UBAC2: variants seen among roughly 807,000 people sequenced by gnomAD.
UBAC2 encodes the protein ubiquitin-associated domain-containing protein 2.
A neutral mutation model predicts 44.0 loss-of-function variants in UBAC2; 26 were observed. That is an observed-to-expected ratio of 0.59 (90% CI 0.43 to 0.82). The LOEUF (loss-of-function observed/expected upper bound fraction) is 0.82, where lower values mean the gene tolerates loss of function less well. Ranked by LOEUF, UBAC2 falls within the 40% of genes least tolerant of loss-of-function variation. UBAC2 has a pLI of 0.00. For synonymous variants in UBAC2, 155 were observed against 154.3 expected, an observed-to-expected ratio of 1.00 and a Z score of -0.04; for missense variants, 329 against 419.4, an observed-to-expected ratio of 0.78 and a Z score of 1.88.
intron 7 of UBAC2, among the ~76,000 whole-genome samples, chr13:99,355,917 G>A (rs1031027792): frequency 1.3e-5 from 2 of 152,200 alleles, no homozygotes; most frequent in African/African-American, 4.8e-5. Flanking sequence ...GCACCTCCAG[G>A]GCCTCCCCAG....
chr13:99,241,383 T>A (rs1332373072), intron 2 of UBAC2, among the ~76,000 whole-genome samples: 2 of 151,458 alleles, frequency 1.3e-5, no homozygotes, highest in African/African-American at 4.9e-5. Context: ...ATAAACAAAA[T>A]GTGGTGTATA....
At chr13:99,305,344 C>T (rs533290379) in intron 4 of UBAC2, among the ~76,000 whole-genome samples, 1 of 151,872 alleles carries the variant, frequency 6.6e-6, no homozygotes, top group East Asian at 1.9e-4. Flanking sequence ...GGTGATAAAC[C>T]CCCCAGACTG....
intron 7 of UBAC2, among the ~76,000 whole-genome samples, chr13:99,343,521 C>T (rs2138838203): frequency 6.6e-6 from 1 of 152,370 alleles, no homozygotes; most frequent in Admixed American, 6.5e-5. Context: ...GCTGTCTACA[C>T]TGCTGTCAGA....
At chr13:99,313,694 A>G (rs1202270023) in intron 4 of UBAC2, among the ~76,000 whole-genome samples, 4 of 152,162 alleles carry the variant, frequency 2.6e-5, no homozygotes, top group South Asian at 2.1e-4. Flanking sequence ...TGCCAGTGCC[A>G]TGGCGACAGA....
chr13:99,285,657 G>A (rs1011485953), intron 4 of UBAC2, among the ~76,000 whole-genome samples: 1 of 152,164 alleles, frequency 6.6e-6, no homozygotes, highest in Admixed American at 6.5e-5. Flanking sequence ...CTCCCAGAGT[G>A]TTGGGATTAT....
chr13:99,293,033 T>A (rs1385428528), intron 4 of UBAC2, among the ~76,000 whole-genome samples: 3 of 152,152 alleles, frequency 2.0e-5, no homozygotes, highest in African/African-American at 7.2e-5. Context: ...GAACAGTGGC[T>A]TGATGAGTAG....
intron 4 of UBAC2, among the ~76,000 whole-genome samples, chr13:99,268,051 CAGG>C (rs1410540243): frequency 6.6e-6 from 1 of 152,150 alleles, no homozygotes; most frequent in Admixed American, 6.5e-5. Flanking sequence ...AAGGGGCATG[CAGG>C]AGGAGGGATT....
At chr13:99,315,764 A>G (rs1052570520) in intron 5 of UBAC2, among the ~76,000 whole-genome samples, 4 of 152,072 alleles carry the variant, frequency 2.6e-5, no homozygotes, top group Non-Finnish European at 5.9e-5. Flanking sequence ...TTATATCTCT[A>G]TAGCTACCAC....
In UBAC2 at chr13:99,368,728, C is replaced by CGTGT. The variant is rs1566525823; in HGVS notation, c.927+822_927+823insGTGT. 2.5e-3 allele frequency among the ~76,000 whole-genome samples: 228 copies of CGTGT among 91,122 alleles called. 1 individual carries two copies. The highest frequency in any genetic ancestry group is 6.6e-3 in the African/African-American group (220 of 33,364). The allele number at this position is 91,122 out of a possible 152,430, so 59.8% of individuals were successfully genotyped here. On this transcript the variant is annotated intron_variant, in intron 8 of 8. Coordinates refer to ENST00000403766, the MANE Select transcript of UBAC2 (RefSeq NM_001144072.2). ...GTGTGTGTGTGTGTGTGTGTGTGTA[C>CGTGT]ACATACCCTCACTCTGACCGAGAGG...
chr13:99,375,110 C>G (rs1275019205), intron 8 of UBAC2, among the ~76,000 whole-genome samples: 3 of 152,132 alleles, frequency 2.0e-5, no homozygotes, highest in African/African-American at 7.2e-5. Flanking sequence ...GTGTCTCATT[C>G]TGCTGGGTGC....
At position 99,342,632 on chromosome 13, in the gene UBAC2, G is replaced by A. The variant is rs927558576; in HGVS notation, c.807+2067G>A. Among the ~76,000 whole-genome samples, 11 of 152,330 alleles carry A rather than the reference G, an allele frequency of 7.2e-5. No individual in the cohort carries two copies. In the East Asian group the frequency reaches 1.9e-3, roughly 27 times the overall value. ...CAGCGCTGGGTTATCTGGTGATGGA[G>A]CCACAGTCATTCTGTCCACCTTCCA... On this transcript the variant is annotated intron_variant, in intron 7 of 8. Transcript: ENST00000403766.
chr13:99,381,641 A>AATG lies in UBAC2; in HGVS notation c.928-3587_928-3586insATG, dbSNP rs2045553555. 3.9e-5 allele frequency among the ~76,000 whole-genome samples: 6 copies of AATG among 152,332 alleles called. No individual in the cohort carries two copies. In the South Asian group the frequency reaches 1.2e-3, roughly 32 times the overall value. ...ACAATGGTCCTTAACTGGAGGGAAC[A>AATG]TCATACAGGTTATTTCCACCCAAGA... On this transcript the variant is annotated intron_variant, in intron 8 of 8. Transcript: ENST00000403766.
intron 4 of UBAC2, among the ~76,000 whole-genome samples, chr13:99,265,524 C>T (rs2043731067): frequency 6.6e-6 from 1 of 152,250 alleles, no homozygotes; most frequent in East Asian, 1.9e-4. Context: ...TTTGAAGTAT[C>T]TGTGACACAT....
At chr13:99,364,110 C>A (rs2045300392) in intron 7 of UBAC2, among the ~76,000 whole-genome samples, 1 of 151,686 alleles carries the variant, frequency 6.6e-6, no homozygotes, top group Non-Finnish European at 1.5e-5. Flanking sequence ...AGTTTTGTTT[C>A]TCTTTTTCTA....
chr13:99,336,925 C>G (rs2044797286), intron 6 of UBAC2, among the ~76,000 whole-genome samples: 1 of 151,992 alleles, frequency 6.6e-6, no homozygotes, highest in South Asian at 2.1e-4. Context: ...TCCCACCTCT[C>G]TTCCTCCTTC....
intron 1 of UBAC2, chr13:99,231,287 C>T (rs1404700483): frequency 1.3e-5 from 2 of 152,166 alleles, no homozygotes; most frequent in Non-Finnish European, 2.9e-5. Flanking sequence ...CTCTAGCTGC[C>T]CACCTTGAAT....
At chr13:99,215,670 T>C in intron 1 of UBAC2, 1 of 1,468,934 alleles carries the variant, frequency 6.8e-7, no homozygotes, top group East Asian at 2.3e-5. Context: ...AATACAGCCC[T>C]CTGGGAACTG....
chr13:99,375,871 A>G (rs1425686706), intron 8 of UBAC2, among the ~76,000 whole-genome samples: 1 of 129,028 alleles, frequency 7.8e-6, no homozygotes, highest in Admixed American at 9.7e-5. Context: ...TGGTGCTATC[A>G]TGGCTCACCG....
rs1566525823 is a variant in UBAC2, at chr13:99,368,728, C to CGTGTGTGT, written c.927+822_927+823insGTGTGTGT. Among the ~76,000 whole-genome samples the CGTGTGTGT allele has an allele frequency of 5.2e-3, 470 of 91,116 alleles. 3 individuals carry two copies. The highest frequency in any genetic ancestry group is 0.013 in the African/African-American group (438 of 33,360). The allele number at this position is 91,116 out of a possible 152,430, so 59.8% of individuals were successfully genotyped here. On this transcript the variant is annotated intron_variant, in intron 8 of 8. Transcript: ENST00000403766. The stretch of plus-strand genomic sequence containing the variant: ...GTGTGTGTGTGTGTGTGTGTGTGTA[C>CGTGTGTGT]ACATACCCTCACTCTGACCGAGAGG...
Sources: allele counts gnomAD v4.1 joint callset (sites outside exome capture counted in the v4.1 genomes callset), GRCh38; gene constraint gnomAD v4.1.1; transcripts MANE v1.5; gene names NCBI Gene and HGNC (gene_info 2026-07-23, HGNC 2026-07-21).